SCRN1: variants seen among roughly 807,000 people sequenced by gnomAD.
SCRN1 encodes secernin 1.
A neutral mutation model predicts 43.3 loss-of-function variants in SCRN1; 19 were observed. The observed-to-expected ratio is 0.44, with a 90% CI of 0.31 to 0.64. SCRN1 has a LOEUF of 0.64. Among genes scored for constraint, SCRN1 ranks in the 30% least tolerant of loss-of-function variants. The pLI is 0.09. For missense variants in SCRN1, 447 were observed against 524.1 expected, an observed-to-expected ratio of 0.85 and a Z score of 1.44; for synonymous variants, 183 against 188.9, an observed-to-expected ratio of 0.97 and a Z score of 0.26.
At chr7:29,969,904 C>G (rs777739897) in intron 1 of SCRN1, 1 of 456,374 alleles carries the variant, frequency 2.2e-6, no homozygotes, top group South Asian at 1.5e-5. Flanking sequence ...GCCAAGGTAA[C>G]CATCCTTGCC....
At chr7:29,949,624 G>A (rs929272563) in intron 3 of SCRN1, among the ~76,000 whole-genome samples, 2 of 150,994 alleles carry the variant, frequency 1.3e-5, no homozygotes, top group Non-Finnish European at 2.9e-5. Flanking sequence ...CAATCCTCCT[G>A]CCTCGGCCTC....
At chr7:29,953,154 A>G (rs1353697727) in intron 3 of SCRN1, among the ~76,000 whole-genome samples, 1 of 152,198 alleles carries the variant, frequency 6.6e-6, no homozygotes, top group Admixed American at 6.5e-5. Flanking sequence ...TGAAGGCCAC[A>G]CCCTGGAATT....
chr7:29,964,395 A>T (rs1264829442), intron 2 of SCRN1, among the ~76,000 whole-genome samples: 1 of 151,646 alleles, frequency 6.6e-6, no homozygotes, highest in Non-Finnish European at 1.5e-5. Flanking sequence ...CACATTACTA[A>T]GTTTAAAAAA....
intron 3 of SCRN1, among the ~76,000 whole-genome samples, chr7:29,947,955 T>G (rs1361887319): frequency 2.6e-5 from 4 of 152,198 alleles, no homozygotes; most frequent in African/African-American, 9.7e-5. Flanking sequence ...GGTGCCTTGA[T>G]CTCAGATTTC....
upstream of SCRN1, chr7:29,990,187 T>G: frequency 6.4e-7 from 1 of 1,551,688 alleles, no homozygotes. Flanking sequence ...TGTACCTTGT[T>G]GACTCGCACG....
chr7:29,959,091 T>C (rs1788225614), intron 2 of SCRN1, among the ~76,000 whole-genome samples: 1 of 152,166 alleles, frequency 6.6e-6, no homozygotes, highest in Non-Finnish European at 1.5e-5. Flanking sequence ...CTTCACCCCA[T>C]CCACATTCCA....
intron 6 of SCRN1, among the ~76,000 whole-genome samples, chr7:29,932,108 G>GGTGGGCTGGATTCA (rs142572831): frequency 0.061 from 9,317 of 152,234 alleles, 373 homozygotes; most frequent in African/African-American, 0.11. Flanking sequence ...CCTTAAGGAT[G>GGTGGGCTGGATTCA]GCGGCTCTGG....
intron 6 of SCRN1, among the ~76,000 whole-genome samples, chr7:29,929,859 G>A (rs113547890): frequency 0.034 from 5,186 of 152,316 alleles, 110 homozygotes; most frequent in African/African-American, 0.067. Flanking sequence ...TAGGATAAAT[G>A]CATAGTAAAA....
At chr7:29,977,211 A>G (rs993598659) in intron 1 of SCRN1, among the ~76,000 whole-genome samples, 1 of 152,230 alleles carries the variant, frequency 6.6e-6, no homozygotes, top group African/African-American at 2.4e-5. Context: ...TACGTAAAGA[A>G]TGAAACCCAA....
At chr7:29,957,917 T>C (rs149453074) in intron 2 of SCRN1, among the ~76,000 whole-genome samples, 1 of 152,300 alleles carries the variant, frequency 6.6e-6, no homozygotes, top group East Asian at 1.9e-4. Flanking sequence ...AAGGGCTTAA[T>C]ACAGATTGCC....
intron 3 of SCRN1, among the ~76,000 whole-genome samples, chr7:29,948,385 T>C (rs1444082990): frequency 1.3e-5 from 2 of 152,244 alleles, no homozygotes; most frequent in Non-Finnish European, 2.9e-5. Context: ...CTTACTACAG[T>C]GTTCAGGAAA....
intron 1 of SCRN1, among the ~76,000 whole-genome samples, chr7:29,980,430 C>T (rs532520743): frequency 6.6e-6 from 1 of 152,242 alleles, no homozygotes; most frequent in East Asian, 1.9e-4. Flanking sequence ...CTATTCCCAC[C>T]ATCTGTCTTC....
intron 4 of SCRN1, among the ~76,000 whole-genome samples, chr7:29,943,440 T>TG (rs1787624435): frequency 6.6e-6 from 1 of 152,278 alleles, no homozygotes; most frequent in East Asian, 1.9e-4. Context: ...TAAATTCTTC[T>TG]GGGTGGATCA....
At chr7:29,961,518 C>G (rs1788310402) in intron 2 of SCRN1, among the ~76,000 whole-genome samples, 1 of 149,632 alleles carries the variant, frequency 6.7e-6, no homozygotes, top group African/African-American at 2.5e-5. Context: ...TTTTCCCCAC[C>G]TTTCCCGCCT....
At chr7:29,988,605 T>G (rs1789241214) in intron 1 of SCRN1, 1 of 152,418 alleles carries the variant, frequency 6.6e-6, no homozygotes, top group Admixed American at 6.5e-5. Context: ...CCTCCGCAAC[T>G]GATGCATCTT....
intron 2 of SCRN1, among the ~76,000 whole-genome samples, chr7:29,962,465 T>TC (rs1236666108): frequency 6.6e-6 from 1 of 151,788 alleles, no homozygotes; most frequent in African/African-American, 2.4e-5. Flanking sequence ...GGTGGGTGGA[T>TC]CACTTGAGCT....
At chr7:29,986,715 T>A (rs955390900) in intron 1 of SCRN1, among the ~76,000 whole-genome samples, 1 of 148,458 alleles carries the variant, frequency 6.7e-6, no homozygotes, top group African/African-American at 2.5e-5. Context: ...CTAATTTTTT[T>A]AATTTTTTTT....
At chr7:29,935,491 A>G (rs1787293201) in intron 6 of SCRN1, among the ~76,000 whole-genome samples, 1 of 152,224 alleles carries the variant, frequency 6.6e-6, no homozygotes, top group Non-Finnish European at 1.5e-5. Context: ...CCAATGGAAC[A>G]CCCAAAAAAA....
intron 1 of SCRN1, among the ~76,000 whole-genome samples, chr7:29,985,062 T>G (rs1369776735): frequency 6.9e-6 from 1 of 144,482 alleles, no homozygotes; most frequent in African/African-American, 2.6e-5. Context: ...TCTAACAGAT[T>G]AACATAACCA....
Sources: gnomAD v4.1 joint callset for allele counts (sites outside exome capture counted in the v4.1 genomes callset) on GRCh38, gnomAD v4.1.1 for gene constraint, MANE v1.5 for transcripts, NCBI Gene and HGNC (gene_info 2026-07-23, HGNC 2026-07-21) for gene names.